The following IL17F variants were observed in gnomAD, a reference collection of about 807,000 sequenced individuals.
IL17F encodes the protein interleukin 17F, also known as interleukin-17F.
A neutral mutation model predicts 8.3 loss-of-function variants in IL17F; 6 were observed. The observed-to-expected ratio is 0.73, with a 90% confidence interval of 0.40 to 1.43. The LOEUF is 1.43. Among genes scored for constraint, IL17F ranks in the 40% most tolerant of loss-of-function variants. The pLI is 0.02. For missense variants in IL17F, 204 were observed against 209.6 expected, an observed-to-expected ratio of 0.97 and a Z score of 0.17; for synonymous variants, 98 against 81.6, an observed-to-expected ratio of 1.20 and a Z score of -1.08.
At chr6:52,240,421 T>A (rs540681082) in intron 1 of IL17F, among the ~76,000 whole-genome samples, 64 of 126,450 alleles carry the variant, frequency 5.1e-4, no homozygotes, top group African/African-American at 1.9e-3. Context: ...TGGGCGACAG[T>A]GCGAGACTCC....
intron 1 of IL17F, among the ~76,000 whole-genome samples, chr6:52,243,255 A>G (rs1404172665): frequency 6.6e-6 from 1 of 152,242 alleles, no homozygotes; most frequent in African/African-American, 2.4e-5. Flanking sequence ...TAAGCCAATA[A>G]TATGATGCGG....
At chr6:52,240,265 C>T (rs1218937621) in intron 1 of IL17F, among the ~76,000 whole-genome samples, 2 of 151,926 alleles carry the variant, frequency 1.3e-5, no homozygotes, top group South Asian at 2.1e-4. Flanking sequence ...GGTGAAACCT[C>T]GTCTCTACTA....
Position 52,237,057 on chromosome 6 carries a change from G to A in IL17F, c.366C>T (p.Pro122=). The A allele has an allele frequency of 6.2e-7, 1 of 1,614,254 alleles. No individual in the cohort carries two copies. The highest frequency in any genetic ancestry group is 1.3e-5 in the African/African-American group (1 of 75,076). ...GGACGACCAGGGTCTCTTGCTGGAT[G>A]GGAACGGAATTCATGGAGATGTCTT... ...GKEDISMNSV[P]IQQETLVVRR... Residue 122 remains proline (P), a synonymous_variant, in exon 3 of 3, where the codon CCC becomes CCT. Coordinates refer to ENST00000336123, the MANE Select transcript of IL17F (RefSeq NM_052872.4).
Position 52,238,747 on chromosome 6 carries a change from G to A in IL17F, c.237C>T (p.Thr79=). Residue 79 remains threonine, a synonymous_variant, in exon 2 of 3, where the codon ACC becomes ACT. Transcript: ENST00000336123. The part of the protein sequence containing the change: ...SMSRNIESRS[T]SPWNYTVTWD... ...GCACTTACGTGTAATTCCAGGGGGAGGTGGAGCGGCTCTCGATGTTACGTG... is the reference window on the plus strand; with the variant it reads ...GCACTTACGTGTAATTCCAGGGGGAAGTGGAGCGGCTCTCGATGTTACGTG... 6.2e-7 allele frequency: 1 copy of A among 1,614,098 alleles called. No individual in the cohort carries two copies. The highest frequency in any genetic ancestry group is 1.3e-5 in the African/African-American group (1 of 75,044).
intron 1 of IL17F, among the ~76,000 whole-genome samples, chr6:52,240,270 C>T (rs1764049752): frequency 6.6e-6 from 1 of 151,958 alleles, no homozygotes; most frequent in Non-Finnish European, 1.5e-5. Flanking sequence ...AACCTCGTCT[C>T]TACTAAAAAT....
At chr6:52,239,225 G>A (rs2128267917) in intron 1 of IL17F, 2 of 445,214 alleles carry the variant, frequency 4.5e-6, no homozygotes, top group South Asian at 5.0e-5. Context: ...GTCTGAGATT[G>A]AGTTAAAATC....
At chr6:52,244,315 A>G in intron 1 of IL17F, 82 bp downstream of exon 1, 2 of 1,355,660 alleles carry the variant, frequency 1.5e-6, no homozygotes, top group Non-Finnish European at 2.1e-6. Flanking sequence ...AAAGACCCCA[A>G]TCAAACCTAA....
chr6:52,240,899 A>AC (rs397720189), intron 1 of IL17F, among the ~76,000 whole-genome samples: 1 of 151,704 alleles, frequency 6.6e-6, no homozygotes, highest in African/African-American at 2.4e-5. Flanking sequence ...AAAAAAAAAA[A>AC]TGTGAAGATT....
At chr6:52,243,506 A>G (rs1362212708) in intron 1 of IL17F, among the ~76,000 whole-genome samples, 2 of 152,208 alleles carry the variant, frequency 1.3e-5, no homozygotes, top group Admixed American at 1.3e-4. Flanking sequence ...TCTTCCATCC[A>G]GGGCACTCCT....
intron 2 of IL17F, 93 bp downstream of exon 2, chr6:52,238,637 T>C (rs1764010646): frequency 8.0e-6 from 9 of 1,124,154 alleles, no homozygotes; most frequent in Non-Finnish European, 1.2e-5. Context: ...TCCCTTTTAT[T>C]TTTTCTATGT....
At chr6:52,237,919 A>C (rs1403833535) in intron 2 of IL17F, among the ~76,000 whole-genome samples, 2 of 152,118 alleles carry the variant, frequency 1.3e-5, no homozygotes, top group African/African-American at 4.8e-5. Context: ...CAGTAGGCAA[A>C]GAGCCAGAAA....
In IL17F at chr6:52,238,950, C is replaced by T; in HGVS notation, c.34G>A (p.Val12Ile). ...TVKTLHGPAM[V>I]KYLLLSILGL... ...AATATCGACAGCAGCAAGTACTTGA[C>T]CTGGAAAATAGAAGACGCTGCAATC... The change falls in exon 2 of 3, where the codon GTC (valine) becomes ATC (isoleucine). Residue 12 changes from valine (V) to isoleucine (I), a missense_variant and splice_region_variant. Transcript: ENST00000336123. The T allele has an allele frequency of 6.2e-7, 1 of 1,612,744 alleles. No individual in the cohort carries two copies. The highest frequency in any genetic ancestry group is 8.5e-7 in the Non-Finnish European group (1 of 1,179,718).
In IL17F at chr6:52,236,746, G is replaced by T. The variant is rs556601697; in HGVS notation, c.*185C>A. The T allele has an allele frequency of 9.7e-6, 6 of 617,778 alleles. No individual in the cohort carries two copies. The highest frequency in any genetic ancestry group is 9.2e-5 in the African/African-American group (5 of 54,394). 38.3% of individuals were successfully genotyped at this position (617,778 alleles called of 1,614,324 possible). ...TATTAATTTTTCTCCTAACATTTTAGATATCAAATATAAAGTGTAGTACAT... is the reference window on the plus strand; with the variant it reads ...TATTAATTTTTCTCCTAACATTTTATATATCAAATATAAAGTGTAGTACAT... On this transcript the variant is annotated 3_prime_UTR_variant, in exon 3 of 3. Coordinates refer to ENST00000336123, the MANE Select transcript of IL17F (RefSeq NM_052872.4).
chr6:52,237,294 G>T (rs914602504), intron 2 of IL17F, 126 bp from the exon 3 acceptor site: 12 of 706,116 alleles, frequency 1.7e-5, no homozygotes, highest in Non-Finnish European at 2.9e-5. Flanking sequence ...CACAGGTTCT[G>T]GAGCCACACA....
chr6:52,237,010 G>C lies in IL17F; in HGVS notation c.413C>G (p.Ser138Cys), dbSNP rs1173562555. Reference sequence around the variant, plus strand: ...CACCTTCTCCAACTGGAAAGAAACAGAGCAGCCTTGGTGCTTCCTCCGGAC... The same window carrying C: ...CACCTTCTCCAACTGGAAAGAAACACAGCAGCCTTGGTGCTTCCTCCGGAC... ...LVVRRKHQGC[S>C]VSFQLEKVLV... The change falls in exon 3 of 3, where the codon TCT (serine) becomes TGT (cysteine). Residue 138 changes from serine to cysteine, a missense_variant. Physicochemically the swap from Ser to Cys is moderately radical, Grantham distance 112. Coordinates refer to ENST00000336123, the MANE Select transcript of IL17F (RefSeq NM_052872.4). 27 of 1,613,042 alleles carry C rather than the reference G, an allele frequency of 1.7e-5. No homozygotes were observed. Among genetic ancestry groups the C allele is most frequent in the Middle Eastern group, 1.6e-4 (1 of 6,080 alleles).
chr6:52,239,139 A>T (rs780223564), intron 1 of IL17F, 189 bp from the exon 2 acceptor site: 41 of 614,426 alleles, frequency 6.7e-5, no homozygotes, highest in Middle Eastern at 4.3e-4. Flanking sequence ...TGAGAACTAA[A>T]CTCAGTAGCC....
At position 52,237,188 on chromosome 6, in the gene IL17F, A is replaced by G. The variant is rs1272999115; in HGVS notation, c.255-20T>C. 2 of 1,585,646 alleles carry G rather than the reference A, an allele frequency of 1.3e-6. No individual in the cohort carries two copies. Among genetic ancestry groups the G allele is most frequent in the Non-Finnish European group, 1.7e-6 (2 of 1,154,766 alleles). On this transcript the variant is annotated intron_variant, in intron 2 of 2. Coordinates refer to ENST00000336123, the MANE Select transcript of IL17F (RefSeq NM_052872.4). ...GTGACACTGCAGGAGGAGCAAGCCA[A>G]AGCACAATGGTGAGGCATGGGGGAG...
rs58169108 is a variant in IL17F, at chr6:52,240,885, CA to C, written c.34-1936del. ...CTTAGAAGCGATGACTCTGTTTCCT[CA>C]AAAAAAAAAAAAATGTGAAGATTAA... is the stretch of plus-strand genomic sequence containing the variant. On this transcript the variant is annotated intron_variant, in intron 1 of 2. Transcript: ENST00000336123. Among the ~76,000 whole-genome samples, 352 of 138,548 alleles carry C rather than the reference CA, an allele frequency of 2.5e-3. 1 individual carries two copies. The highest frequency in any genetic ancestry group is 4.4e-3 in the East Asian group (21 of 4,730). 90.9% of individuals were successfully genotyped at this position (138,548 alleles called of 152,430 possible).
chr6:52,237,950 G>A (rs36105726), intron 2 of IL17F, among the ~76,000 whole-genome samples: 1 of 152,214 alleles, frequency 6.6e-6, no homozygotes, highest in South Asian at 2.1e-4. Flanking sequence ...GAGCAGCTTA[G>A]AGATGGGAGG....
Sources: gnomAD v4.1 joint callset for allele counts (sites outside exome capture counted in the v4.1 genomes callset) on GRCh38, gnomAD v4.1.1 for gene constraint, MANE v1.5 for transcripts, NCBI Gene and HGNC (gene_info 2026-07-23, HGNC 2026-07-21) for gene names.